The following SLC23A1 variants were observed in gnomAD, a reference collection of about 807,000 sequenced individuals.
SLC23A1 encodes the protein solute carrier family 23 member 1, also known as Na(+)/L-ascorbic acid transporter 1.
In SLC23A1, 31 loss-of-function variants were observed where a neutral mutation model predicts 62.5. That is an observed-to-expected ratio of 0.50 (90% confidence interval 0.37 to 0.67). The LOEUF (loss-of-function observed/expected upper bound fraction) is 0.67. Ranked by LOEUF, SLC23A1 falls within the 30% of genes least tolerant of loss-of-function variation. The pLI is 0.00. For missense variants in SLC23A1, 640 were observed against 782.7 expected (o/e 0.82, Z 2.18); for synonymous variants, 271 against 313.2 (o/e 0.87, Z 1.42).
intron 13 of SLC23A1, among the ~76,000 whole-genome samples, chr5:139,374,893 T>C (rs994670770): frequency 6.6e-6 from 1 of 152,144 alleles, no homozygotes; most frequent in African/African-American, 2.4e-5. Context: ...CTCAGGCCCA[T>C]AGGATGGTCT....
chr5:139,378,417 C>A lies in SLC23A1; in HGVS notation c.1180-66G>T. 7 of 1,515,846 alleles carry A rather than the reference C, an allele frequency of 4.6e-6. No individual in the cohort carries two copies. The highest frequency in any genetic ancestry group is 6.2e-6 in the Non-Finnish European group (7 of 1,121,770). 93.9% of individuals were successfully genotyped at this position (1,515,846 alleles called of 1,614,324 possible). A position where few individuals can be genotyped will look rare whatever the true frequency, so the allele number is the denominator to read the frequency against. On this transcript the variant is annotated intron_variant, in intron 10 of 14. Coordinates refer to ENST00000348729, the MANE Select transcript of SLC23A1 (RefSeq NM_005847.5). The surrounding 1 kb of genome is among the most constrained non-coding windows in gnomAD (Gnocchi z 4.5). ...GCTGGGGCGGGGTTAGTTCCAGGGG[C>A]GGGGCCTGTTATAAGAGCGAGGCAT...
At chr5:139,384,069 ATAAAGAATT>A (rs1319591768), upstream of SLC23A1, among the ~76,000 whole-genome samples, 4 of 152,250 alleles carry the variant, frequency 2.6e-5, no homozygotes, top group African/African-American at 4.8e-5. Flanking sequence ...TTCCAAAAGT[ATAAAGAATT>A]TAAAGATAGC....
intron 3 of SLC23A1, 87 bp from the exon 4 acceptor site, chr5:139,380,973 G>T: frequency 1.5e-6 from 1 of 685,514 alleles, no homozygotes. Context: ...GGAAGGGAGA[G>T]CACAGAGAGA....
chr5:139,380,808 G>T lies in SLC23A1; in HGVS notation c.387C>A (p.Cys129Ter). The change falls in exon 4 of 15, where the codon TGC becomes TGA. Residue 129 changes from cysteine to a stop codon, truncating the protein, a stop_gained. Transcript: ENST00000348729. LOFTEE classifies it high-confidence loss of function. The stretch of plus-strand genomic sequence containing the variant: ...CAGAAGTGTACCCACCTTCCGGGGG[G>T]CATTTCCATCTCTCCAGAGCCAGTA... ...KAILALERWK[C>*]PPEEEIYGNW... The T allele has an allele frequency of 6.4e-7, 1 of 1,566,376 alleles. No individual in the cohort carries two copies. The highest frequency in any genetic ancestry group is 2.3e-5 in the East Asian group (1 of 43,478).
In SLC23A1 at chr5:139,379,880, G is replaced by T. The variant is rs763415988; in HGVS notation, c.769-46C>A. The T allele has an allele frequency of 6.2e-6, 10 of 1,613,828 alleles. No individual in the cohort carries two copies. The highest frequency in any genetic ancestry group is 8.5e-6 in the Non-Finnish European group (10 of 1,179,888). ...GGCACTGAAGGCACTGGAGGTCTCTGTCCAGGCTAACCTGCTCCCACCTCA... is the reference window on the plus strand; with the variant it reads ...GGCACTGAAGGCACTGGAGGTCTCTTTCCAGGCTAACCTGCTCCCACCTCA... On this transcript the variant is annotated intron_variant, in intron 7 of 14. Coordinates refer to ENST00000348729, the MANE Select transcript of SLC23A1 (RefSeq NM_005847.5). This position sits in a 1 kb window ranked among gnomAD's most constrained non-coding sequence, Gnocchi z 4.7.
upstream of SLC23A1, among the ~76,000 whole-genome samples, chr5:139,385,662 A>C (rs1295290855): frequency 6.6e-6 from 1 of 152,178 alleles, no homozygotes; most frequent in Non-Finnish European, 1.5e-5. Context: ...GATCTAACTT[A>C]ATCAGTTCCA....
chr5:139,369,219 ATC>A (rs1757496858), intron 14 of SLC23A1: 1 of 153,982 alleles, frequency 6.5e-6, no homozygotes. Context: ...ATCAAAAAGA[ATC>A]TCCATTTTCT....
At chr5:139,376,431 G>A (rs1757950223) in intron 13 of SLC23A1, among the ~76,000 whole-genome samples, 1 of 152,152 alleles carries the variant, frequency 6.6e-6, no homozygotes, top group South Asian at 2.1e-4. Context: ...GCCTCCCAAA[G>A]TGATGGGATT....
At position 139,378,184 on chromosome 5, in the gene SLC23A1, A is replaced by G. The variant is rs181123306; in HGVS notation, c.1309+38T>C. On this transcript the variant is annotated intron_variant, in intron 11 of 14. Transcript: ENST00000348729. The surrounding 1 kb of genome is among the most constrained non-coding windows in gnomAD (Gnocchi z 4.5). ...TAATCCAGGTGAGTCCCACTCGGCG[A>G]CCCGCACCGCGACCCGTGGCCCGCG... 4,144 of 1,612,630 alleles carry G rather than the reference A, an allele frequency of 2.6e-3. 33 individuals are homozygous for G. In the Middle Eastern group the frequency reaches 0.028, roughly 11 times the overall value.
chr5:139,384,837 G>C (rs1399246245), upstream of SLC23A1: 1 of 764,494 alleles, frequency 1.3e-6, no homozygotes, highest in African/African-American at 1.9e-5. Flanking sequence ...TGTCCTGAAA[G>C]CTTAGTGGGT....
Position 139,372,053 on chromosome 5 carries a change from C to G in SLC23A1, c.1750G>C (p.Asp584His), listed in dbSNP as rs530752062. ...SSKDQIAIPE[D>H]TPENTETASV... is the part of the protein sequence containing the mutation. ...GCAGTTTCTGTATTTTCTGGAGTGT[C>G]TTCTGGAATTGCAATCTGATCTTTT... Residue 584 changes from aspartate to histidine, a missense_variant, in exon 14 of 15, where the codon GAC becomes CAC. By Grantham distance (81) the Asp-to-His change is moderately conservative. Transcript: ENST00000348729. 6.2e-6 allele frequency: 10 copies of G among 1,613,558 alleles called. No homozygotes were observed. The highest frequency in any genetic ancestry group is 8.5e-6 in the Non-Finnish European group (10 of 1,179,442).
intron 12 of SLC23A1, 50 bp downstream of exon 12, chr5:139,377,925 A>C: frequency 6.3e-7 from 1 of 1,590,774 alleles, no homozygotes. Flanking sequence ...GGCTGTGCTC[A>C]AAATTTTGGG....
intron 3 of SLC23A1, among the ~76,000 whole-genome samples, chr5:139,381,151 G>A (rs145166898): frequency 1.7e-4 from 26 of 152,312 alleles, no homozygotes; most frequent in Non-Finnish European, 3.7e-4. Flanking sequence ...GCACCTGCCC[G>A]GAAGTGGACA....
At chr5:139,372,307 C>G in intron 13 of SLC23A1, 54 bp from the exon 14 acceptor site, 3 of 1,560,992 alleles carry the variant, frequency 1.9e-6, no homozygotes, top group South Asian at 1.1e-5. Flanking sequence ...CAGCCACCCC[C>G]ACTTCCCATA....
At chr5:139,385,551 C>T (rs1004657642), upstream of SLC23A1, among the ~76,000 whole-genome samples, 23 of 152,140 alleles carry the variant, frequency 1.5e-4, no homozygotes, top group East Asian at 1.7e-3. Flanking sequence ...AGGTGGCCTG[C>T]GTGCACAGTT....
intron 2 of SLC23A1, 28 bp from the exon 3 acceptor site, chr5:139,382,077 T>A (rs1444605363): frequency 4.4e-6 from 7 of 1,594,658 alleles, no homozygotes; most frequent in Non-Finnish European, 6.0e-6. Flanking sequence ...GCAGAGTGCA[T>A]GAGGCAGGAC....
Position 139,378,638 on chromosome 5 carries a change from C to A in SLC23A1, c.1120G>T (p.Gly374Cys), listed in dbSNP as rs1483704217. 6.2e-7 allele frequency: 1 copy of A among 1,612,512 alleles called. No individual in the cohort carries two copies. The highest frequency in any genetic ancestry group is 8.5e-7 in the Non-Finnish European group (1 of 1,179,458). Reference sequence around the variant, plus strand: ...GACGAGGTGGACCCGTTGCCCGTGCCCAATAGCCCCGCGATGATGCAGCAA... The same window carrying A: ...GACGAGGTGGACCCGTTGCCCGTGCACAATAGCCCCGCGATGATGCAGCAA... The part of the protein sequence containing the change: ...GICCIIAGLL[G>C]TGNGSTSSSP... The change falls in exon 10 of 15, where the codon GGC becomes TGC. Residue 374 changes from glycine (G) to cysteine (C), a missense_variant. Physicochemically the swap from Gly to Cys is radical, Grantham distance 159. Coordinates refer to ENST00000348729, the MANE Select transcript of SLC23A1 (RefSeq NM_005847.5). The surrounding 1 kb of genome is among the most constrained non-coding windows in gnomAD (Gnocchi z 4.5).
chr5:139,372,142 T>C lies in SLC23A1; in HGVS notation c.1661A>G (p.Lys554Arg), dbSNP rs150461696. The C allele has an allele frequency of 2.1e-5, 34 of 1,613,912 alleles. No individual in the cohort carries two copies. The highest frequency in any genetic ancestry group is 2.7e-5 in the Non-Finnish European group (32 of 1,179,746). The part of the protein sequence containing the change: ...YDFPIGMGIV[K>R]RITFLKYIPI... ...AATGTATTTCAGAAAGGTAATTCTT[T>C]TTACTATGCCCATCCCAATGGGGAA... Residue 554 changes from lysine to arginine, a missense_variant, in exon 14 of 15, where the codon AAA (lysine) becomes AGA (arginine). By Grantham distance (26) the Lys-to-Arg change is conservative (BLOSUM62 2). Transcript: ENST00000348729.
intron 14 of SLC23A1, among the ~76,000 whole-genome samples, chr5:139,370,783 A>T (rs77835735): frequency 0.021 from 3,116 of 152,000 alleles, 117 homozygotes; most frequent in African/African-American, 0.072. Context: ...TGGGAAAAAA[A>T]TTTAAAAAAA....
Sources: allele counts gnomAD v4.1 joint callset (sites outside exome capture counted in the v4.1 genomes callset), GRCh38; gene constraint gnomAD v4.1.1; non-coding constraint Gnocchi (gnomAD v3.1); transcripts MANE v1.5; gene names NCBI Gene and HGNC (gene_info 2026-07-23, HGNC 2026-07-21).